The following HTR7 variants were observed in gnomAD, a reference collection of about 807,000 sequenced individuals.
The protein encoded by HTR7 is 5-hydroxytryptamine receptor 7.
HTR7 carries 16 observed loss-of-function variants against 34.0 expected under a neutral mutation model. The ratio of observed to expected loss-of-function variants is 0.47; its 90% CI spans 0.32 to 0.71. The LOEUF (loss-of-function observed/expected upper bound fraction) is 0.71, where lower values mean the gene tolerates loss of function less well. HTR7 is among the 30% of genes least tolerant of loss of function. The pLI, the probability that HTR7 is intolerant of heterozygous loss-of-function variation, is 0.04. For synonymous variants in HTR7, 265 were observed against 260.2 expected, an observed-to-expected ratio of 1.02 and a Z score of -0.18; for missense variants, 504 against 625.5, an observed-to-expected ratio of 0.81 and a Z score of 2.07.
intron 1 of HTR7, among the ~76,000 whole-genome samples, chr10:90,777,714 C>A (rs189838257): frequency 2.0e-5 from 3 of 152,294 alleles, no homozygotes; most frequent in Admixed American, 1.3e-4. Context: ...ACTATCTCAA[C>A]TGAAAGCATT....
rs192265709 is a variant in HTR7 at position 90,830,473 on chromosome 10, G to A, written c.539+26660C>T. ...TGCCTAAGTACAGCTGAGCAATAAC[G>A]TGAGCAAAAGTCACTATAGAAAGAT... On this transcript the variant is annotated intron_variant, in intron 1 of 3. Coordinates refer to ENST00000336152, the MANE Select transcript of HTR7 (RefSeq NM_019859.4). Among the ~76,000 whole-genome samples, 9 of 152,240 alleles carry A rather than the reference G, an allele frequency of 5.9e-5. No homozygotes were observed. In the East Asian group the frequency reaches 1.7e-3, roughly 29 times the overall value.
chr10:90,857,951 C>G lies in HTR7; in HGVS notation c.-280G>C, dbSNP rs1171631187. Among the ~76,000 whole-genome samples the G allele has an allele frequency of 1.3e-5, 2 of 151,208 alleles. No individual in the cohort carries two copies. Among genetic ancestry groups the G allele is most frequent in the Non-Finnish European group, 1.5e-5 (1 of 67,714 alleles). ...ACGCGCGGAGTCGAGGGAGCTCGGG[C>G]TGGGCTCCGCTGGCAGCTCCACAGT... is the stretch of plus-strand genomic sequence containing the variant. On this transcript the variant is annotated 5_prime_UTR_variant, in exon 1 of 4. Coordinates refer to ENST00000336152, the MANE Select transcript of HTR7 (RefSeq NM_019859.4). This position sits in a 1 kb window ranked among gnomAD's most constrained non-coding sequence, Gnocchi z 6.5.
At chr10:90,839,900 T>C (rs1589477245) in intron 1 of HTR7, among the ~76,000 whole-genome samples, 1 of 152,162 alleles carries the variant, frequency 6.6e-6, no homozygotes, top group East Asian at 1.9e-4. Context: ...GCAGTATCTA[T>C]AACCTAACTT....
chr10:90,772,979 C>T (rs1164312480), intron 1 of HTR7, among the ~76,000 whole-genome samples: 2 of 152,188 alleles, frequency 1.3e-5, no homozygotes, highest in Non-Finnish European at 2.9e-5. Context: ...TGAGTTTTCT[C>T]ACTCCAGAGC....
chr10:90,813,656 T>A (rs1050049787), intron 1 of HTR7, among the ~76,000 whole-genome samples: 1 of 152,036 alleles, frequency 6.6e-6, no homozygotes, highest in Non-Finnish European at 1.5e-5. Context: ...GCTGCAGACA[T>A]AGACACACAA....
At chr10:90,742,899 G>A (rs1487142218) in intron 3 of HTR7, among the ~76,000 whole-genome samples, 3 of 152,116 alleles carry the variant, frequency 2.0e-5, no homozygotes, top group East Asian at 1.9e-4. Flanking sequence ...CCAATGAGAC[G>A]TGCTCTCTCC....
intron 2 of HTR7, among the ~76,000 whole-genome samples, chr10:90,747,028 T>C (rs1444481296): frequency 6.6e-6 from 1 of 152,232 alleles, no homozygotes; most frequent in Non-Finnish European, 1.5e-5. Context: ...TTGACAAGTA[T>C]AACTGCATAA....
At chr10:90,772,300 T>C (rs1845128967) in intron 1 of HTR7, among the ~76,000 whole-genome samples, 1 of 152,180 alleles carries the variant, frequency 6.6e-6, no homozygotes, top group Non-Finnish European at 1.5e-5. Context: ...GGAATCATTA[T>C]AATAGATGTA....
In HTR7 at chr10:90,779,669, A is replaced by G. The variant is rs373524202; in HGVS notation, c.540-30075T>C. ...CCTACAATGCCCAGGCCAGGGGAAG[A>G]GTGCTCTGGAGAACTTGACACCCAT... is the stretch of plus-strand genomic sequence containing the variant. On this transcript the variant is annotated intron_variant, in intron 1 of 3. Coordinates refer to ENST00000336152, the MANE Select transcript of HTR7 (RefSeq NM_019859.4). Among the ~76,000 whole-genome samples the G allele has an allele frequency of 3.3e-5, 5 of 152,344 alleles. No individual in the cohort carries two copies. The East Asian group carries it at 5.8e-4, about 18-fold the overall frequency.
chr10:90,827,848 A>G (rs959783893), intron 1 of HTR7, among the ~76,000 whole-genome samples: 4 of 152,180 alleles, frequency 2.6e-5, no homozygotes, highest in Non-Finnish European at 5.9e-5. Context: ...AAAGAACTTA[A>G]TCTGCACCAT....
At chr10:90,743,562 T>A (rs780239800) in intron 3 of HTR7, 31 bp downstream of exon 3, 1 of 1,529,756 alleles carries the variant, frequency 6.5e-7, no homozygotes, top group Non-Finnish European at 9.1e-7. Context: ...CACAGCACTA[T>A]CTCCAAAGTC....
chr10:90,806,977 C>A (rs574973894), intron 1 of HTR7, among the ~76,000 whole-genome samples: 162 of 152,246 alleles, frequency 1.1e-3, no homozygotes, highest in Admixed American at 1.1e-3. Context: ...AAGGGTAAAA[C>A]CAATTAACTA....
At chr10:90,754,605 T>C (rs899357650) in intron 1 of HTR7, among the ~76,000 whole-genome samples, 2 of 152,166 alleles carry the variant, frequency 1.3e-5, no homozygotes, top group African/African-American at 4.8e-5. Flanking sequence ...TTGAGGAATA[T>C]ATGCAACTCA....
At position 90,742,408 on chromosome 10, in the gene HTR7, C is replaced by T; in HGVS notation, c.*74G>A. The T allele has an allele frequency of 8.8e-7, 1 of 1,141,184 alleles. No individual in the cohort carries two copies. Among genetic ancestry groups the T allele is most frequent in the Non-Finnish European group, 1.3e-6 (1 of 770,908 alleles). 70.7% of individuals were successfully genotyped at this position (1,141,184 alleles called of 1,614,324 possible). On this transcript the variant is annotated 3_prime_UTR_variant, in exon 4 of 4. Coordinates refer to ENST00000336152, the MANE Select transcript of HTR7 (RefSeq NM_019859.4). ...AGGACAGAAGCTGCATTCCATTCTGCAGACTCAGCAAATGACTTCCTTCTG... is the reference window on the plus strand; with the variant it reads ...AGGACAGAAGCTGCATTCCATTCTGTAGACTCAGCAAATGACTTCCTTCTG...
At chr10:90,760,123 C>A (rs892511012) in intron 1 of HTR7, among the ~76,000 whole-genome samples, 4 of 152,186 alleles carry the variant, frequency 2.6e-5, no homozygotes, top group African/African-American at 9.7e-5. Flanking sequence ...TGTCCAACAA[C>A]AGTTTAATGG....
At chr10:90,840,880 A>G (rs1156478019) in intron 1 of HTR7, among the ~76,000 whole-genome samples, 2 of 152,234 alleles carry the variant, frequency 1.3e-5, no homozygotes, top group Non-Finnish European at 2.9e-5. Context: ...TACAAATGTC[A>G]AATTTGGGAC....
At chr10:90,752,615 T>TA (rs951967519) in intron 1 of HTR7, among the ~76,000 whole-genome samples, 25 of 151,638 alleles carry the variant, frequency 1.6e-4, no homozygotes, top group African/African-American at 5.8e-4. Flanking sequence ...CTTATCCCAT[T>TA]AAAAAAAAGT....
At chr10:90,848,146 G>A (rs1470933570) in intron 1 of HTR7, among the ~76,000 whole-genome samples, 2 of 138,754 alleles carry the variant, frequency 1.4e-5, no homozygotes, top group East Asian at 2.3e-4. Flanking sequence ...TCGGCTCACC[G>A]CAACCTCGGC....
intron 1 of HTR7, among the ~76,000 whole-genome samples, chr10:90,829,828 C>T (rs1846137096): frequency 6.6e-6 from 1 of 152,056 alleles, no homozygotes; most frequent in Admixed American, 6.5e-5. Context: ...TATATGCCAA[C>T]AGAAAACAAC....
Sources: allele counts gnomAD v4.1 joint callset (sites outside exome capture counted in the v4.1 genomes callset), GRCh38; gene constraint gnomAD v4.1.1; non-coding constraint Gnocchi (gnomAD v3.1); transcripts MANE v1.5; gene names NCBI Gene and HGNC (gene_info 2026-07-23, HGNC 2026-07-21).